TSPOAP1: variants seen among roughly 807,000 people sequenced by gnomAD.
TSPOAP1 encodes the protein TSPO associated protein 1.
In TSPOAP1, 87 loss-of-function variants were observed where a neutral mutation model predicts 197.0. The observed-to-expected ratio is 0.44, with a 90% CI of 0.37 to 0.53. TSPOAP1 has a LOEUF of 0.53. TSPOAP1 is among the 20% of genes least tolerant of loss of function. TSPOAP1 has a pLI of 0.00. For synonymous variants in TSPOAP1, 913 were observed against 998.9 expected, an observed-to-expected ratio of 0.91 and a Z score of 1.62; for missense variants, 2,174 against 2,411.3, an observed-to-expected ratio of 0.90 and a Z score of 2.06.
At position 58,302,081 on chromosome 17, in the gene TSPOAP1, G is replaced by T; in HGVS notation, c.*399C>A. On this transcript the variant is annotated 3_prime_UTR_variant, in exon 32 of 32. Transcript: ENST00000343736. ...CCTGTAGGAGGAAGGTGCTTCTCTA[G>T]AGAGTTCATCCTTAAGGAGCCATTT... is the stretch of plus-strand genomic sequence containing the variant. 2 of 422,838 alleles carry T rather than the reference G, an allele frequency of 4.7e-6. No homozygotes were observed. Among genetic ancestry groups the T allele is most frequent in the Non-Finnish European group, 8.1e-6 (2 of 247,164 alleles). 26.2% of individuals were successfully genotyped at this position (422,838 alleles called of 1,614,324 possible).
In TSPOAP1 at chr17:58,326,365, G is replaced by A. The variant is rs189750642; in HGVS notation, c.498C>T (p.Asn166=). The part of the protein sequence containing the change: ...EEKVRRLKRK[N]AELAVIAKRL... ...GCTTGGCAATGACCGCCAGCTCGGC[G>A]TTCTTCCTCTTCAGCCTCCGCACCT... Residue 166 remains asparagine, a synonymous_variant, in exon 3 of 32, where the codon AAC becomes AAT. Transcript: ENST00000343736. This position sits in a 1 kb window ranked among gnomAD's most constrained non-coding sequence, Gnocchi z 4.7. 215 of 1,614,034 alleles carry A rather than the reference G, an allele frequency of 1.3e-4. 1 individual carries two copies. The highest frequency in any genetic ancestry group is 2.9e-4 in the South Asian group (26 of 91,086).
Position 58,318,464 on chromosome 17 carries a change from A to G in TSPOAP1, c.1700-12T>C, listed in dbSNP as rs892450748. 6.2e-7 allele frequency: 1 copy of G among 1,608,626 alleles called. No individual in the cohort carries two copies. The highest frequency in any genetic ancestry group is 2.2e-5 in the East Asian group (1 of 44,806). ...CGGGAGGTCAAGGTCTAAAGAGAAG[A>G]TGGCACGTGGGCTTGGGGTCTGTGG... On this transcript the variant is annotated splice_polypyrimidine_tract_variant and intron_variant, in intron 13 of 31. Transcript: ENST00000343736.
chr17:58,326,496 G>T lies in TSPOAP1; in HGVS notation c.442-75C>A. 6.3e-7 allele frequency: 1 copy of T among 1,586,614 alleles called. No individual in the cohort carries two copies. Among genetic ancestry groups the T allele is most frequent in the South Asian group, 1.1e-5 (1 of 87,554 alleles). Reference sequence around the variant, plus strand: ...CCCAGTCCTAACAGCCCAAGTCTTGGGCTAGAGCCCTAGGCTCACAGTGGG... The same window carrying T: ...CCCAGTCCTAACAGCCCAAGTCTTGTGCTAGAGCCCTAGGCTCACAGTGGG... On this transcript the variant is annotated intron_variant, in intron 2 of 31. Transcript: ENST00000343736. The surrounding 1 kb of genome is among the most constrained non-coding windows in gnomAD (Gnocchi z 4.7).
chr17:58,310,212 G>T lies in TSPOAP1; in HGVS notation c.3700-54C>A, dbSNP rs552776163. The T allele has an allele frequency of 6.9e-4, 1,074 of 1,555,518 alleles. 15 individuals are homozygous for T. In the South Asian group the frequency reaches 0.012, roughly 17 times the overall value. On this transcript the variant is annotated intron_variant, in intron 20 of 31. Coordinates refer to ENST00000343736, the MANE Select transcript of TSPOAP1 (RefSeq NM_004758.4). ...ATAAGGACAGTGAGGGGGCACAGGG[G>T]GTTCCAGGCAGGGTCAGCCCCAGCC...
In TSPOAP1 at chr17:58,322,331, C is replaced by A; in HGVS notation, c.1399G>T (p.Glu467Ter). The A allele has an allele frequency of 6.2e-7, 1 of 1,604,364 alleles. No individual in the cohort carries two copies. The highest frequency in any genetic ancestry group is 8.5e-7 in the Non-Finnish European group (1 of 1,179,968). Residue 467 changes from glutamate to a stop codon, truncating the protein, a stop_gained, in exon 10 of 32, where the codon GAG (glutamate) becomes TAG (stop). Coordinates refer to ENST00000343736, the MANE Select transcript of TSPOAP1 (RefSeq NM_004758.4). LOFTEE classifies it high-confidence loss of function. This position sits in a 1 kb window ranked among gnomAD's most constrained non-coding sequence, Gnocchi z 5.0. ...ACCTGCTGCAGTCTCCGGACCTCCT[C>A]CTGCTTCTCCCGTAGGCTGAGCCGA... ...QARLSLREKQEEVRRLQQAQA... is the reference protein window; with the variant it reads ...QARLSLREKQ
intron 16 of TSPOAP1, among the ~76,000 whole-genome samples, chr17:58,313,904 G>T (rs1322094301): frequency 6.6e-6 from 1 of 152,214 alleles, no homozygotes; most frequent in African/African-American, 2.4e-5. Flanking sequence ...ACCTGCATCA[G>T]TTCTCCTGAA....
chr17:58,321,913 C>T (rs547662124), intron 10 of TSPOAP1, among the ~76,000 whole-genome samples: 1 of 152,368 alleles, frequency 6.6e-6, no homozygotes, highest in South Asian at 2.1e-4. Flanking sequence ...TCCCACCACG[C>T]TGCCCATCCC....
chr17:58,328,168 T>C lies in TSPOAP1; in HGVS notation c.-248A>G. Reference sequence around the variant, plus strand: ...GTAGCTGTGTGTGTGCGCGAGTATGTGGAGGAGCGAGGGTGTCCCTGTGGG... The same window carrying C: ...GTAGCTGTGTGTGTGCGCGAGTATGCGGAGGAGCGAGGGTGTCCCTGTGGG... On this transcript the variant is annotated 5_prime_UTR_variant, in exon 1 of 32. Coordinates refer to ENST00000343736, the MANE Select transcript of TSPOAP1 (RefSeq NM_004758.4). This position sits in a 1 kb window ranked among gnomAD's most constrained non-coding sequence, Gnocchi z 4.3. 1.8e-6 allele frequency: 1 copy of C among 550,374 alleles called. No individual in the cohort carries two copies. Among genetic ancestry groups the C allele is most frequent in the Non-Finnish European group, 3.3e-6 (1 of 305,982 alleles). The allele number at this position is 550,374 out of a possible 1,614,324, so 34.1% of individuals were successfully genotyped here.
Position 58,320,642 on chromosome 17 carries a change from G to C in TSPOAP1, c.1423-61C>G. 4 of 1,296,610 alleles carry C rather than the reference G, an allele frequency of 3.1e-6. No individual in the cohort carries two copies. In the South Asian group the frequency reaches 6.2e-5, roughly 20 times the overall value. 80.3% of individuals were successfully genotyped at this position (1,296,610 alleles called of 1,614,324 possible). A position where few individuals can be genotyped will look rare whatever the true frequency, so the allele number is the denominator to read the frequency against. ...GAGAAGGAATGGGGTGGAGTAGAGA[G>C]GGCTGCGAGGGAGGAAGGGTAGAAA... On this transcript the variant is annotated intron_variant, in intron 10 of 31. Transcript: ENST00000343736.
In TSPOAP1 at chr17:58,322,151, G is replaced by A; in HGVS notation, c.1422+157C>T. On this transcript the variant is annotated intron_variant, in intron 10 of 31. Coordinates refer to ENST00000343736, the MANE Select transcript of TSPOAP1 (RefSeq NM_004758.4). The surrounding 1 kb of genome is among the most constrained non-coding windows in gnomAD (Gnocchi z 5.0). ...AGTGTCTGAAATCAGCTCACTCCTG[G>A]ATGCTAATTTGCTGACTGCTCAGGG... 1 of 667,926 alleles carries A rather than the reference G, an allele frequency of 1.5e-6. No homozygotes were observed. The highest frequency in any genetic ancestry group is 2.6e-6 in the Non-Finnish European group (1 of 391,518). The allele number at this position is 667,926 out of a possible 1,614,324, so 41.4% of individuals were successfully genotyped here. A position where few individuals can be genotyped will look rare whatever the true frequency, so the allele number is the denominator to read the frequency against.
chr17:58,313,946 C>T (rs983598176), intron 16 of TSPOAP1, among the ~76,000 whole-genome samples: 11 of 152,102 alleles, frequency 7.2e-5, no homozygotes, highest in African/African-American at 2.4e-4. Context: ...AAAACATTTG[C>T]TGTTGTTTGA....
intron 18 of TSPOAP1, 55 bp from the exon 19 acceptor site, chr17:58,311,268 G>C (rs1323960812): frequency 1.4e-5 from 22 of 1,590,068 alleles, no homozygotes; most frequent in Admixed American, 1.8e-5. Flanking sequence ...AGCCAAGCGT[G>C]AGGATGCACT....
chr17:58,323,195 C>A (rs1275903501), intron 7 of TSPOAP1, 103 bp downstream of exon 7: 2 of 1,498,246 alleles, frequency 1.3e-6, no homozygotes, highest in African/African-American at 1.4e-5. Context: ...AAAATGTGTT[C>A]TTGAGGGCAG....
At position 58,308,877 on chromosome 17, in the gene TSPOAP1, G is replaced by A. The variant is rs200221670; in HGVS notation, c.4395C>T (p.Ser1465=). 377 of 1,604,034 alleles carry A rather than the reference G, an allele frequency of 2.4e-4. No individual in the cohort carries two copies. The Middle Eastern group carries it at 3.7e-3, about 16-fold the overall frequency. ...GGGAAGGGCCCAGCCGGCCTCTCCC[G>A]CTAGCCTCTAGTCCAGTCCTGGGGC... The part of the protein sequence containing the change: ...IEGPRTGLEA[S]GRGRLGPSRR... The change falls in exon 22 of 32, where the codon AGC becomes AGT. Residue 1465 remains serine (S), a synonymous_variant. Transcript: ENST00000343736.
At chr17:58,316,568 C>T (rs1374084421) in intron 14 of TSPOAP1, 28 bp from the exon 15 acceptor site, 1 of 1,577,962 alleles carries the variant, frequency 6.3e-7, no homozygotes, top group South Asian at 1.1e-5. Flanking sequence ...GGGCTGGTTT[C>T]TCTTCAGGGC....
At chr17:58,310,242 TA>T in intron 20 of TSPOAP1, 84 bp from the exon 21 acceptor site, 1 of 1,390,916 alleles carries the variant, frequency 7.2e-7, no homozygotes, top group Admixed American at 2.1e-5. Flanking sequence ...CCAGCCACAG[TA>T]ACAAGGGTCC....
intron 16 of TSPOAP1, among the ~76,000 whole-genome samples, chr17:58,315,561 A>C (rs1385935072): frequency 6.6e-6 from 1 of 152,164 alleles, no homozygotes; most frequent in Non-Finnish European, 1.5e-5. Context: ...CTGGGCCCTG[A>C]CAGCTGCTAA....
intron 13 of TSPOAP1, 141 bp from the exon 14 acceptor site, chr17:58,318,593 T>TTCTC: frequency 7.6e-6 from 6 of 794,460 alleles, no homozygotes; most frequent in South Asian, 1.9e-5. Context: ...GAGAGAAACT[T>TTCTC]ACTAAATAGA....
At position 58,312,508 on chromosome 17, in the gene TSPOAP1, ATCC is replaced by A. The variant is rs757522810; in HGVS notation, c.2310_2312del (p.Glu770del). 8 of 1,600,980 alleles carry A rather than the reference ATCC, an allele frequency of 5.0e-6. No individual in the cohort carries two copies. Among genetic ancestry groups the A allele is most frequent in the Non-Finnish European group, 6.8e-6 (8 of 1,173,656 alleles). On this transcript the variant is annotated inframe_deletion, in exon 17 of 32. Transcript: ENST00000343736. ...GGCTCAGACTGAGCTCGTCCCCTGC[ATCC>A]TCCTCCTCAGGTCTGGGCTGGCTCC...
Sources: gnomAD v4.1 joint callset for allele counts (sites outside exome capture counted in the v4.1 genomes callset) on GRCh38, gnomAD v4.1.1 for gene constraint, Gnocchi (gnomAD v3.1) non-coding constraint, MANE v1.5 for transcripts, NCBI Gene and HGNC (gene_info 2026-07-23, HGNC 2026-07-21) for gene names.